The following SERGEF variants were observed in gnomAD, a reference collection of about 807,000 sequenced individuals.
The protein encoded by SERGEF is secretion-regulating guanine nucleotide exchange factor.
A neutral mutation model predicts 50.0 loss-of-function variants in SERGEF; 51 were observed. That is an observed-to-expected ratio of 1.02 (90% CI 0.81 to 1.29). The LOEUF is 1.29. Ranked by LOEUF, SERGEF falls within the 50% of genes most tolerant of loss-of-function variation. SERGEF has a pLI of 0.00. For missense variants in SERGEF, 521 were observed against 557.0 expected (o/e 0.94, Z 0.65); for synonymous variants, 205 against 212.4 (o/e 0.97, Z 0.30).
intron 10 of SERGEF, among the ~76,000 whole-genome samples, chr11:17,801,172 G>A (rs867776127): frequency 6.6e-4 from 97 of 147,212 alleles, no homozygotes; most frequent in African/African-American, 2.2e-3. Flanking sequence ...TCCGGCCTGG[G>A]CGAAAGAGCG....
At chr11:17,872,142 A>T (rs1851150945) in intron 10 of SERGEF, among the ~76,000 whole-genome samples, 1 of 152,224 alleles carries the variant, frequency 6.6e-6, no homozygotes, top group African/African-American at 2.4e-5. Context: ...AAAAGAAGCC[A>T]AACACCATCC....
intron 9 of SERGEF, among the ~76,000 whole-genome samples, chr11:17,951,446 G>A (rs1452310380): frequency 5.9e-5 from 9 of 152,174 alleles, no homozygotes; most frequent in East Asian, 3.9e-4. Context: ...CACGCTCTAC[G>A]TTTAAGACTC....
chr11:17,917,258 C>T (rs1852066536), intron 9 of SERGEF, among the ~76,000 whole-genome samples: 1 of 152,204 alleles, frequency 6.6e-6, no homozygotes, highest in African/African-American at 2.4e-5. Context: ...GAATTAATGA[C>T]ATTTGCAGCA....
At chr11:17,800,103 A>G (rs1849641694) in intron 10 of SERGEF, among the ~76,000 whole-genome samples, 1 of 152,228 alleles carries the variant, frequency 6.6e-6, no homozygotes, top group African/African-American at 2.4e-5. Context: ...TTACAATACA[A>G]AATAGGAGAA....
chr11:17,978,473 G>A (rs1444970245), intron 8 of SERGEF, among the ~76,000 whole-genome samples: 1 of 152,174 alleles, frequency 6.6e-6, no homozygotes, highest in Non-Finnish European at 1.5e-5. Context: ...GCAGAGGCGA[G>A]CAGAAAAGAT....
chr11:17,871,090 A>G (rs1851129896), intron 10 of SERGEF, among the ~76,000 whole-genome samples: 1 of 152,212 alleles, frequency 6.6e-6, no homozygotes, highest in African/African-American at 2.4e-5. Context: ...AAGACATAAG[A>G]ATACTTTCAT....
intron 10 of SERGEF, among the ~76,000 whole-genome samples, chr11:17,824,869 C>T (rs974479549): frequency 6.6e-6 from 1 of 152,190 alleles, no homozygotes; most frequent in African/African-American, 2.4e-5. Flanking sequence ...ATTTAATCTA[C>T]GAATTTTGGG....
At chr11:17,963,181 C>CAAAA (rs1164488575) in intron 8 of SERGEF, among the ~76,000 whole-genome samples, 1 of 16,490 alleles carries the variant, frequency 6.1e-5, no homozygotes, top group Admixed American at 6.6e-4. Flanking sequence ...GACTCTGTTT[C>CAAAA]AAAAAAAAAA....
chr11:17,957,196 G>A (rs1347692842), intron 9 of SERGEF, among the ~76,000 whole-genome samples: 6 of 152,172 alleles, frequency 3.9e-5, no homozygotes, highest in Non-Finnish European at 7.3e-5. Flanking sequence ...TCACATCAAT[G>A]TCAGGCTCTT....
chr11:18,000,498 T>A lies in SERGEF; in HGVS notation c.507A>T (p.Thr169=). Residue 169 remains threonine, a splice_region_variant and synonymous_variant, in exon 5 of 11, where the codon ACA becomes ACT. Transcript: ENST00000265965. ...AAGLRHAVAA[T]ASGIVFQWGT... is the part of the protein sequence containing the mutation. ...AAAAAATAAAGATAAGATGATCACC[T>A]GTAGCAGCTACTGCATGCCTCAGTC... 1 of 1,570,718 alleles carries A rather than the reference T, an allele frequency of 6.4e-7. No homozygotes were observed. Among genetic ancestry groups the A allele is most frequent in the Non-Finnish European group, 8.6e-7 (1 of 1,159,450 alleles).
chr11:17,862,876 A>C (rs1850951292), intron 10 of SERGEF, among the ~76,000 whole-genome samples: 1 of 152,232 alleles, frequency 6.6e-6, no homozygotes, highest in Admixed American at 6.5e-5. Context: ...GCTATGGTAG[A>C]TAAGACAAAA....
chr11:17,957,805 C>G (rs1852906726), intron 9 of SERGEF, among the ~76,000 whole-genome samples: 1 of 150,682 alleles, frequency 6.6e-6, no homozygotes. Context: ...ATCCCAGAAC[C>G]TTCTAATCAT....
intron 9 of SERGEF, among the ~76,000 whole-genome samples, chr11:17,945,472 G>A (rs940242634): frequency 2.0e-5 from 3 of 152,136 alleles, no homozygotes; most frequent in Non-Finnish European, 2.9e-5. Context: ...TCAGTCAGTC[G>A]GTTACTTTAA....
At chr11:17,986,549 C>T (rs1853600351) in intron 8 of SERGEF, among the ~76,000 whole-genome samples, 1 of 152,242 alleles carries the variant, frequency 6.6e-6, no homozygotes, top group South Asian at 2.1e-4. Flanking sequence ...TGGGTTCCAA[C>T]CTCCCACCCC....
intron 10 of SERGEF, among the ~76,000 whole-genome samples, chr11:17,829,411 A>G (rs992444218): frequency 2.6e-5 from 4 of 152,258 alleles, no homozygotes; most frequent in African/African-American, 9.6e-5. Flanking sequence ...CCTTTTGACC[A>G]GAAAAGAAGA....
chr11:17,926,191 G>A (rs1366936822), intron 9 of SERGEF, among the ~76,000 whole-genome samples: 1 of 151,880 alleles, frequency 6.6e-6, no homozygotes, highest in Non-Finnish European at 1.5e-5. Flanking sequence ...TCCCAATTGG[G>A]GCATTAGTCA....
intron 9 of SERGEF, among the ~76,000 whole-genome samples, chr11:17,958,978 C>T (rs1852934998): frequency 6.6e-6 from 1 of 152,124 alleles, no homozygotes; most frequent in Non-Finnish European, 1.5e-5. Flanking sequence ...AAGCAATTCT[C>T]CTGCCTCAGC....
intron 10 of SERGEF, among the ~76,000 whole-genome samples, chr11:17,851,489 C>T (rs1056133269): frequency 3.3e-5 from 5 of 152,008 alleles, no homozygotes; most frequent in African/African-American, 9.7e-5. Context: ...ATAGAGCCCC[C>T]GCACATGAGG....
At chr11:17,952,338 A>C (rs1852788216) in intron 9 of SERGEF, among the ~76,000 whole-genome samples, 1 of 152,224 alleles carries the variant, frequency 6.6e-6, no homozygotes, top group Non-Finnish European at 1.5e-5. Flanking sequence ...AGAGGTACAC[A>C]GTTCAATGAA....
Sources: gnomAD v4.1 joint callset for allele counts (sites outside exome capture counted in the v4.1 genomes callset) on GRCh38, gnomAD v4.1.1 for gene constraint, MANE v1.5 for transcripts, NCBI Gene and HGNC (gene_info 2026-07-23, HGNC 2026-07-21) for gene names.